The following SNX29 variants were observed in gnomAD, a reference collection of about 807,000 sequenced individuals.
SNX29 encodes the protein sorting nexin-29.
Under a neutral mutation model 102.1 loss-of-function variants are expected in SNX29, and 78 were observed. That is an observed-to-expected ratio of 0.76 (90% CI 0.64 to 0.92). The LOEUF (loss-of-function observed/expected upper bound fraction) is 0.92. Among genes scored for constraint, SNX29 ranks in the 40% least tolerant of loss-of-function variants. SNX29 has a pLI of 0.00. For missense variants in SNX29, 1,280 were observed against 1,061.7 expected, an observed-to-expected ratio of 1.21 and a Z score of -2.86; for synonymous variants, 580 against 414.5, an observed-to-expected ratio of 1.40 and a Z score of -4.85.
intron 20 of SNX29, among the ~76,000 whole-genome samples, chr16:12,555,622 C>T (rs1200912215): frequency 6.8e-6 from 1 of 147,458 alleles, no homozygotes; most frequent in African/African-American, 2.7e-5. Flanking sequence ...AGTGTGCATG[C>T]CACACCTGAG....
intron 15 of SNX29, among the ~76,000 whole-genome samples, chr16:12,280,963 A>G (rs1314683071): frequency 6.6e-6 from 1 of 152,226 alleles, no homozygotes; most frequent in East Asian, 1.9e-4. Flanking sequence ...GCTGGAGTGC[A>G]GTGGTACAGC....
intron 4 of SNX29, among the ~76,000 whole-genome samples, chr16:12,042,147 C>T (rs1479197008): frequency 6.6e-6 from 1 of 152,140 alleles, no homozygotes; most frequent in Non-Finnish European, 1.5e-5. Context: ...TCTCCTGCCT[C>T]AGCCTGCCCG....
chr16:12,139,341 G>A (rs1048300255), intron 13 of SNX29, among the ~76,000 whole-genome samples: 1 of 152,058 alleles, frequency 6.6e-6, no homozygotes, highest in African/African-American at 2.4e-5. Flanking sequence ...GTCACAGTCC[G>A]GGTTGTCATC....
chr16:12,502,823 G>A (rs976171231), intron 19 of SNX29, among the ~76,000 whole-genome samples: 10 of 152,104 alleles, frequency 6.6e-5, no homozygotes, highest in African/African-American at 1.7e-4. Context: ...ATCACATTGC[G>A]GTTGCTGCGA....
intron 14 of SNX29, among the ~76,000 whole-genome samples, chr16:12,212,959 C>A (rs2077226373): frequency 6.6e-6 from 1 of 152,016 alleles, no homozygotes; most frequent in Non-Finnish European, 1.5e-5. Flanking sequence ...ACTAAAAATA[C>A]AAAAATTAGC....
At chr16:12,562,570 C>G (rs1199682137) in intron 20 of SNX29, among the ~76,000 whole-genome samples, 2 of 152,182 alleles carry the variant, frequency 1.3e-5, no homozygotes, top group African/African-American at 4.8e-5. Flanking sequence ...CCCGTGGTCC[C>G]TAGTTTTTAC....
At chr16:12,493,843 C>T (rs1015298751) in intron 19 of SNX29, among the ~76,000 whole-genome samples, 4 of 152,200 alleles carry the variant, frequency 2.6e-5, no homozygotes, top group East Asian at 1.9e-4. Flanking sequence ...CCACCCGCCT[C>T]GGCCTCCCAA....
chr16:12,179,277 A>G (rs913601784), intron 13 of SNX29, among the ~76,000 whole-genome samples: 2 of 152,210 alleles, frequency 1.3e-5, no homozygotes, highest in Non-Finnish European at 2.9e-5. Context: ...TGAGTTCAGG[A>G]GTTCGAGATC....
At chr16:12,405,404 T>G (rs1157582641) in intron 18 of SNX29, among the ~76,000 whole-genome samples, 1 of 152,194 alleles carries the variant, frequency 6.6e-6, no homozygotes, top group Non-Finnish European at 1.5e-5. Context: ...CCCCGTCCTT[T>G]ACGGTGTGAA....
chr16:12,563,365 C>G (rs141213055), intron 20 of SNX29, among the ~76,000 whole-genome samples: 4 of 152,318 alleles, frequency 2.6e-5, no homozygotes, highest in South Asian at 4.1e-4. Context: ...TGTCTTTTAT[C>G]GCCACGTTGA....
In SNX29 at chr16:12,105,643, C is replaced by G. The variant is rs540463905; in HGVS notation, c.1403-20990C>G. On this transcript the variant is annotated intron_variant, in intron 11 of 20. Transcript: ENST00000566228. ...TCTTTTCTAAGTAGCACTGGTGACT[C>G]AGGTGATGCATTTTAGTGATGGAAA... 9.2e-5 allele frequency among the ~76,000 whole-genome samples: 14 copies of G among 152,222 alleles called. No individual in the cohort carries two copies. In the East Asian group the frequency reaches 2.7e-3, roughly 29 times the overall value.
intron 15 of SNX29, among the ~76,000 whole-genome samples, chr16:12,280,652 T>C (rs1462999856): frequency 2.0e-5 from 3 of 152,304 alleles, no homozygotes; most frequent in Admixed American, 6.5e-5. Flanking sequence ...TTTTCCTTCT[T>C]TTTTGGTTGC....
At chr16:12,542,093 T>C (rs1355027843) in intron 20 of SNX29, among the ~76,000 whole-genome samples, 3 of 152,090 alleles carry the variant, frequency 2.0e-5, no homozygotes, top group Non-Finnish European at 4.4e-5. Flanking sequence ...TGCAATATTG[T>C]CTCTTCCCAA....
At chr16:12,562,779 A>G (rs114086035) in intron 20 of SNX29, among the ~76,000 whole-genome samples, 1 of 152,286 alleles carries the variant, frequency 6.6e-6, no homozygotes, top group Non-Finnish European at 1.5e-5. Context: ...GGAGTCCTTT[A>G]GCCATCACCA....
intron 19 of SNX29, among the ~76,000 whole-genome samples, chr16:12,516,446 C>A (rs1226508920): frequency 2.1e-5 from 3 of 139,936 alleles, no homozygotes; most frequent in African/African-American, 8.0e-5. Context: ...TACCACTGCA[C>A]TTCAGTCTTG....
chr16:12,120,192 A>G (rs2053914293), intron 11 of SNX29, among the ~76,000 whole-genome samples: 1 of 152,216 alleles, frequency 6.6e-6, no homozygotes, highest in South Asian at 2.1e-4. Context: ...AAAGATATAA[A>G]AAGCAGGATG....
intron 11 of SNX29, among the ~76,000 whole-genome samples, chr16:12,114,909 C>A (rs180700941): frequency 6.6e-6 from 1 of 152,102 alleles, no homozygotes; most frequent in Non-Finnish European, 1.5e-5. Context: ...TGCTTCGTGG[C>A]GTGATTTGGA....
chr16:12,194,019 T>C (rs1188674433), intron 13 of SNX29, among the ~76,000 whole-genome samples: 2 of 152,238 alleles, frequency 1.3e-5, no homozygotes, highest in Non-Finnish European at 2.9e-5. Context: ...AGTCTATATC[T>C]ATAAGAAATC....
intron 20 of SNX29, among the ~76,000 whole-genome samples, chr16:12,564,695 C>T (rs1427881409): frequency 6.6e-6 from 1 of 152,062 alleles, no homozygotes; most frequent in Admixed American, 6.6e-5. Context: ...TTGCTTAGGC[C>T]CCAGAGCTGC....
Sources: gnomAD v4.1 joint callset for allele counts (sites outside exome capture counted in the v4.1 genomes callset) on GRCh38, gnomAD v4.1.1 for gene constraint, MANE v1.5 for transcripts, NCBI Gene and HGNC (gene_info 2026-07-23, HGNC 2026-07-21) for gene names.